The following PRPF18 variants were observed in gnomAD, a reference collection of about 807,000 sequenced individuals.
PRPF18 encodes pre-mRNA-splicing factor 18.
PRPF18 carries 38 observed loss-of-function variants against 46.5 expected under a neutral mutation model. The observed-to-expected ratio is 0.82, with a 90% CI of 0.63 to 1.07. The LOEUF (loss-of-function observed/expected upper bound fraction) is 1.07, where lower values mean the gene tolerates loss of function less well. Ranked by LOEUF, PRPF18 falls within the 50% of genes least tolerant of loss-of-function variation. The pLI, the probability that PRPF18 is intolerant of heterozygous loss-of-function variation, is 0.00. For missense variants in PRPF18, 263 were observed against 410.0 expected (o/e 0.64, Z 3.10); for synonymous variants, 152 against 146.7 (o/e 1.04, Z -0.26).
At chr10:13,618,974 C>T (rs1256608161) in intron 9 of PRPF18, among the ~76,000 whole-genome samples, 3 of 152,112 alleles carry the variant, frequency 2.0e-5, no homozygotes, top group African/African-American at 2.4e-5. Flanking sequence ...TTCCATGGAT[C>T]GGGGAGGTCA....
At chr10:13,628,136 C>T (rs1360167129) in intron 9 of PRPF18, among the ~76,000 whole-genome samples, 2 of 152,156 alleles carry the variant, frequency 1.3e-5, no homozygotes, top group African/African-American at 2.4e-5. Flanking sequence ...ACAACAACAA[C>T]AAAAAGGAGC....
Position 13,611,656 on chromosome 10 carries a change from C to T in PRPF18, c.552C>T (p.Asp184=), listed in dbSNP as rs1208557871. ...TAGGGAAAGGCGATGATCATAAAGA[C>T]ATGGACATCATCACCAAATTCCTGA... is the stretch of plus-strand genomic sequence containing the variant. ...ESLGKGDDHK[D]MDIITKFLKF... Residue 184 remains aspartate, a synonymous_variant, in exon 6 of 10, where the codon GAC becomes GAT. Coordinates refer to ENST00000378572, the MANE Select transcript of PRPF18 (RefSeq NM_003675.4). The T allele has an allele frequency of 1.9e-6, 3 of 1,613,932 alleles. No homozygotes were observed. The highest frequency in any genetic ancestry group is 2.5e-6 in the Non-Finnish European group (3 of 1,179,876).
intron 3 of PRPF18, among the ~76,000 whole-genome samples, chr10:13,602,432 A>ATT (rs1350776197): frequency 2.0e-5 from 3 of 151,242 alleles, no homozygotes; most frequent in Non-Finnish European, 4.4e-5. Context: ...GTATATATAT[A>ATT]TTTGTCAGTG....
chr10:13,614,837 C>A (rs1014903304), intron 8 of PRPF18, among the ~76,000 whole-genome samples: 3 of 152,204 alleles, frequency 2.0e-5, no homozygotes, highest in Non-Finnish European at 4.4e-5. Context: ...TTGAGGGAGG[C>A]TTCTTGTGGC....
At chr10:13,631,329 T>A (rs1418714650), downstream of PRPF18, 12 of 152,308 alleles carry the variant, frequency 7.9e-5, no homozygotes, top group Non-Finnish European at 1.5e-4. Flanking sequence ...GAGTGGATGC[T>A]CCCGGAGCAG....
rs774510327 is a variant in PRPF18 at position 13,597,530 on chromosome 10, T to C, written c.139T>C (p.Tyr47His). 27 of 1,610,962 alleles carry C rather than the reference T, an allele frequency of 1.7e-5. No homozygotes were observed. The highest frequency in any genetic ancestry group is 2.2e-5 in the Non-Finnish European group (26 of 1,178,254). The change falls in exon 2 of 10, where the codon TAC becomes CAC. Residue 47 changes from tyrosine (Y) to histidine (H), a missense_variant. Transcript: ENST00000378572. ...EEEAYFERCG[Y>H]KIQPKEEDQK... The stretch of plus-strand genomic sequence containing the variant: ...GGAAGCATATTTTGAAAGATGTGGC[T>C]ACAAGGTATGAATGTCTGCTTTTAT...
At chr10:13,608,905 C>T (rs2080230173) in intron 4 of PRPF18, among the ~76,000 whole-genome samples, 1 of 152,176 alleles carries the variant, frequency 6.6e-6, no homozygotes, top group African/African-American at 2.4e-5. Context: ...ACCTTAGAAT[C>T]TTCATTGGTA....
At chr10:13,624,232 C>T (rs1455383971) in intron 9 of PRPF18, among the ~76,000 whole-genome samples, 1 of 152,358 alleles carries the variant, frequency 6.6e-6, no homozygotes, top group East Asian at 1.9e-4. Flanking sequence ...CCTGCCTTGG[C>T]CTCCCAGAGT....
intron 5 of PRPF18, among the ~76,000 whole-genome samples, chr10:13,610,580 A>G (rs185387528): frequency 1.1e-4 from 16 of 152,110 alleles, no homozygotes; most frequent in Non-Finnish European, 2.1e-4. Context: ...TGTACACTGA[A>G]TCCTTTGCTT....
chr10:13,644,375 C>T, the PRPF18 span: 1 of 152,246 alleles, frequency 6.6e-6, no homozygotes, highest in African/African-American at 2.4e-5. Context: ...GATCATTAAT[C>T]ATGTCAGTCT....
At chr10:13,638,495 C>T in the PRPF18 span, among the ~76,000 whole-genome samples, 12 of 151,862 alleles carry the variant, frequency 7.9e-5, no homozygotes, top group African/African-American at 2.7e-4. Flanking sequence ...ATCTGTACCC[C>T]GCAAGCTGGA....
chr10:13,612,290 T>G (rs2502228), intron 6 of PRPF18, among the ~76,000 whole-genome samples: 69,437 of 151,882 alleles, frequency 0.46, 16,461 homozygotes, highest in African/African-American at 0.52. Context: ...ATTTTTTTCT[T>G]GAGGCAGAGT....
At chr10:13,588,576 T>TTA (rs1025966398) in intron 1 of PRPF18, among the ~76,000 whole-genome samples, 1 of 127,310 alleles carries the variant, frequency 7.9e-6, no homozygotes, top group Non-Finnish European at 1.7e-5. Flanking sequence ...TCCCTGTCTC[T>TTA]AAAAAAAAAA....
intron 9 of PRPF18, among the ~76,000 whole-genome samples, chr10:13,618,529 G>A (rs2080377029): frequency 6.7e-6 from 1 of 149,750 alleles, no homozygotes; most frequent in Middle Eastern, 3.3e-3. Context: ...GAGAGGTTGA[G>A]GCAGAAGGAT....
rs116534139 is a variant in PRPF18, at chr10:13,610,677, C to T, written c.510+492C>T. Among the ~76,000 whole-genome samples, 1,378 of 152,274 alleles carry T rather than the reference C, an allele frequency of 9.0e-3. 21 individuals are homozygous for T. The highest frequency in any genetic ancestry group is 0.031 in the African/African-American group (1,302 of 41,554). On this transcript the variant is annotated intron_variant, in intron 5 of 9. Coordinates refer to ENST00000378572, the MANE Select transcript of PRPF18 (RefSeq NM_003675.4). ...GGTAATGATGGACAGCTAGATTGTT[C>T]CCAGCTCTCTCCTACCACAAACAGC...
the PRPF18 span, among the ~76,000 whole-genome samples, chr10:13,650,056 C>T: frequency 1.3e-5 from 2 of 152,184 alleles, no homozygotes. Context: ...CAGGGCTATG[C>T]TCAGAGATGT....
chr10:13,654,402 G>A, the PRPF18 span: 2 of 1,535,930 alleles, frequency 1.3e-6, no homozygotes, highest in Non-Finnish European at 1.8e-6. Context: ...GAAGAACATA[G>A]AAGGAGAACT....
chr10:13,631,371 C>G (rs937467248), downstream of PRPF18: 1 of 152,224 alleles, frequency 6.6e-6, no homozygotes, highest in Non-Finnish European at 1.5e-5. Context: ...GCGGTAAGAG[C>G]GGGGGCTCCA....
intron 3 of PRPF18, among the ~76,000 whole-genome samples, chr10:13,602,746 T>A (rs553738930): frequency 1.3e-5 from 2 of 152,324 alleles, no homozygotes; most frequent in South Asian, 4.1e-4. Flanking sequence ...ACTTTTCGAT[T>A]TTTTGAGACA....
Sources: allele counts gnomAD v4.1 joint callset (sites outside exome capture counted in the v4.1 genomes callset), GRCh38; gene constraint gnomAD v4.1.1; transcripts MANE v1.5; gene names NCBI Gene and HGNC (gene_info 2026-07-23, HGNC 2026-07-21).